The following IL26 variants were observed in gnomAD, a reference collection of about 807,000 sequenced individuals.
The protein encoded by IL26 is interleukin 26.
In IL26, 23 loss-of-function variants were observed where a neutral mutation model predicts 21.7. That is an observed-to-expected ratio of 1.06 (90% CI 0.76 to 1.50). The LOEUF is 1.50. Among genes scored for constraint, IL26 ranks in the 40% most tolerant of loss-of-function variants. IL26 has a pLI of 0.00. For missense variants in IL26, 204 were observed against 196.0 expected, an observed-to-expected ratio of 1.04 and a Z score of -0.24; for synonymous variants, 63 against 67.8, an observed-to-expected ratio of 0.93 and a Z score of 0.34.
chr12:68,225,562 T>G (rs1361825680), intron 1 of IL26, 24 bp downstream of exon 1: 1 of 1,613,134 alleles, frequency 6.2e-7, no homozygotes, highest in Admixed American at 1.7e-5. Flanking sequence ...GAGGTCATGA[T>G]TTTAAGCAGA....
chr12:68,202,594 G>A (rs1222750024), intron 3 of IL26, among the ~76,000 whole-genome samples: 3 of 152,180 alleles, frequency 2.0e-5, no homozygotes, highest in Admixed American at 2.0e-4. Flanking sequence ...AGAGGGGGAA[G>A]TGCCATACTT....
chr12:68,225,384 A>AG lies in IL26; in HGVS notation c.228+59dup, dbSNP rs1288009740. ...TACTCTCTGAAAAAAATTTAAATGCAGGGGGAAATAAACATCAAATAAGTG... is the reference window on the plus strand; with the variant it reads ...TACTCTCTGAAAAAAATTTAAATGCAGGGGGGAAATAAACATCAAATAAGTG... On this transcript the variant is annotated intron_variant, in intron 2 of 4. Transcript: ENST00000229134. 3 of 1,513,822 alleles carry AG rather than the reference A, an allele frequency of 2.0e-6. No homozygotes were observed. In the African/African-American group the frequency reaches 4.2e-5, roughly 21 times the overall value. 93.8% of individuals were successfully genotyped at this position (1,513,822 alleles called of 1,614,324 possible).
In IL26 at chr12:68,225,647, G is replaced by T; in HGVS notation, c.110C>A (p.Thr37Lys). 6.2e-7 allele frequency: 1 copy of T among 1,614,072 alleles called. No homozygotes were observed. The highest frequency in any genetic ancestry group is 1.1e-5 in the South Asian group (1 of 91,078). ...GAGAGCGTCAACAGCTTGGGACAAT[G>T]TTCCCCTTGGGTAACAACTTTTGGT... is the stretch of plus-strand genomic sequence containing the variant. ...SFTKSCYPRG[T>K]LSQAVDALYI... The change falls in exon 1 of 5, where the codon ACA becomes AAA. Residue 37 changes from threonine (T) to lysine (K), a missense_variant. Transcript: ENST00000229134.
chr12:68,217,377 T>A (rs11571012), intron 3 of IL26, among the ~76,000 whole-genome samples: 9 of 152,106 alleles, frequency 5.9e-5, no homozygotes, highest in African/African-American at 1.9e-4. Context: ...ATTTCATGAG[T>A]TAATAATGAA....
Position 68,205,970 on chromosome 12 carries a change from C to A in IL26, c.364-3887G>T, listed in dbSNP as rs370853937. On this transcript the variant is annotated intron_variant, in intron 3 of 4. Coordinates refer to ENST00000229134, the MANE Select transcript of IL26 (RefSeq NM_018402.2). The stretch of plus-strand genomic sequence containing the variant: ...TCCATCAAGTCGTCTTCTGCTAATT[C>A]CTGTGGTGCAGTGTCTACTAGCTCT... Among the ~76,000 whole-genome samples the A allele has an allele frequency of 1.6e-4, 25 of 152,286 alleles. 1 individual carries two copies. The highest frequency in any genetic ancestry group is 9.1e-4 in the Admixed American group (14 of 15,304).
rs576617286 is a variant in IL26 at position 68,223,373 on chromosome 12, T to C, written c.363+1776A>G. 1.1e-4 allele frequency among the ~76,000 whole-genome samples: 17 copies of C among 152,278 alleles called. No individual in the cohort carries two copies. The East Asian group carries it at 1.4e-3, about 12-fold the overall frequency. On this transcript the variant is annotated intron_variant, in intron 3 of 4. Transcript: ENST00000229134. ...AACCAACCAGAGCGGCGCCACACTGTCCCACCCACTTTAGGAAAACTTCAC... is the reference window on the plus strand; with the variant it reads ...AACCAACCAGAGCGGCGCCACACTGCCCCACCCACTTTAGGAAAACTTCAC...
intron 3 of IL26, among the ~76,000 whole-genome samples, chr12:68,221,586 G>T (rs980061000): frequency 6.6e-5 from 10 of 152,204 alleles, no homozygotes; most frequent in Non-Finnish European, 2.9e-5. Flanking sequence ...GTGGGCTGGT[G>T]ATATGAATGT....
At chr12:68,209,485 C>G (rs546834347) in intron 3 of IL26, among the ~76,000 whole-genome samples, 1 of 152,224 alleles carries the variant, frequency 6.6e-6, no homozygotes, top group African/African-American at 2.4e-5. Context: ...AGCAAGGAGC[C>G]GACAAGTCTA....
intron 3 of IL26, among the ~76,000 whole-genome samples, chr12:68,216,855 T>C (rs1034901571): frequency 2.0e-5 from 3 of 152,244 alleles, no homozygotes; most frequent in Admixed American, 6.5e-5. Context: ...AAAATGTTAA[T>C]TAAAGTAGAC....
chr12:68,207,019 A>G (rs1466569877), intron 3 of IL26, among the ~76,000 whole-genome samples: 2 of 152,104 alleles, frequency 1.3e-5, no homozygotes, highest in Non-Finnish European at 2.9e-5. Flanking sequence ...TTTTTCTTGA[A>G]TCATATCAGG....
intron 3 of IL26, among the ~76,000 whole-genome samples, chr12:68,224,285 T>TTTTTGTTTTG (rs60633848): frequency 0.012 from 1,851 of 148,120 alleles, 22 homozygotes; most frequent in East Asian, 0.018. Flanking sequence ...TGGCTCAGTG[T>TTTTTGTTTTG]TTTTGTTTTG....
Position 68,201,924 on chromosome 12 carries a change from T to C in IL26, c.437A>G (p.Asn146Ser), listed in dbSNP as rs1868399574. ...RMKRIFYRIG[N>S]KGIYKAISEL... Reference sequence around the variant, plus strand: ...ACTGATGGCTTTGTAGATTCCTTTGTTTCCAATCTGCAGATAAAGTACAGA... The same window carrying C: ...ACTGATGGCTTTGTAGATTCCTTTGCTTCCAATCTGCAGATAAAGTACAGA... Residue 146 changes from asparagine (N) to serine (S), a missense_variant, in exon 5 of 5, where the codon AAC (asparagine) becomes AGC (serine). Physicochemically the swap from Asn to Ser is conservative, Grantham distance 46. Transcript: ENST00000229134. 2.5e-6 allele frequency: 4 copies of C among 1,597,858 alleles called. No homozygotes were observed. In the East Asian group the frequency reaches 9.0e-5, roughly 36 times the overall value.
intron 3 of IL26, among the ~76,000 whole-genome samples, chr12:68,207,095 A>G (rs1868564868): frequency 6.6e-6 from 1 of 152,074 alleles, no homozygotes; most frequent in South Asian, 2.1e-4. Flanking sequence ...TCAATAGGAG[A>G]TTTTTAAAAA....
At position 68,202,069 on chromosome 12, in the gene IL26, T is replaced by C. The variant is rs1356029687; in HGVS notation, c.378A>G (p.Ser126=). 6.3e-7 allele frequency: 1 copy of C among 1,579,782 alleles called. No individual in the cohort carries two copies. Among genetic ancestry groups the C allele is most frequent in the South Asian group, 1.2e-5 (1 of 86,410 alleles). The stretch of plus-strand genomic sequence containing the variant: ...TAATGGATTTCATCTCTCTAGCTGA[T>C]GAAGCACAGGAAATCTAAGAAATCA... ...QKLSHCISCA[S]SAREMKSITR... is the part of the protein sequence containing the mutation. Residue 126 remains serine, a synonymous_variant, in exon 4 of 5, where the codon TCA becomes TCG. Transcript: ENST00000229134.
At position 68,201,768 on chromosome 12, in the gene IL26, A is replaced by G. The variant is rs925243680; in HGVS notation, c.*77T>C. The G allele has an allele frequency of 2.0e-5, 20 of 979,390 alleles. No individual in the cohort carries two copies. In the Admixed American group the frequency reaches 2.6e-4, roughly 13 times the overall value. 60.7% of individuals were successfully genotyped at this position (979,390 alleles called of 1,614,324 possible). ...ATGTTAAAAAGTTTTTAAAAGAAAT[A>G]GACTGTTATAAACATATTTCTAGCA... On this transcript the variant is annotated 3_prime_UTR_variant, in exon 5 of 5. Coordinates refer to ENST00000229134, the MANE Select transcript of IL26 (RefSeq NM_018402.2).
At chr12:68,210,618 CAGT>C (rs1261091341) in intron 3 of IL26, among the ~76,000 whole-genome samples, 1 of 152,046 alleles carries the variant, frequency 6.6e-6, no homozygotes, top group Non-Finnish European at 1.5e-5. Context: ...TCCAACAACT[CAGT>C]AGATATTGAA....
chr12:68,211,184 T>C (rs1481246519), intron 3 of IL26, among the ~76,000 whole-genome samples: 1 of 152,186 alleles, frequency 6.6e-6, no homozygotes, highest in Non-Finnish European at 1.5e-5. Flanking sequence ...GAACAGGAAA[T>C]AGTTGTCTTT....
In IL26 at chr12:68,225,448, A is replaced by T. The variant is rs1231045533; in HGVS notation, c.224T>A (p.Phe75Tyr). The change falls in exon 2 of 5, where the codon TTT (phenylalanine) becomes TAT (tyrosine). Residue 75 changes from phenylalanine to tyrosine, a missense_variant. Transcript: ENST00000229134. ...RLLKKKTKKQ[F>Y]MKNCQFQEQL... ...GAAGAAGACTTTCTGACTTACCATA[A>T]ACTGCTTTTTTGTTTTCTTTTTTAA... The T allele has an allele frequency of 6.3e-7, 1 of 1,577,458 alleles. No individual in the cohort carries two copies. The highest frequency in any genetic ancestry group is 8.7e-7 in the Non-Finnish European group (1 of 1,148,486).
Position 68,225,191 on chromosome 12 carries a change from A to C in IL26, c.321T>G (p.Phe107Leu). Reference protein sequence around the residue: ...LQLQGCKKIRFVEDFHSLRQK... With the variant: ...LQLQGCKKIRLVEDFHSLRQK... ...GCCTAAGGCTATGAAAGTCCTCCACAAAGCGTATTTTCTTGCAGCCTTGCA... is the reference window on the plus strand; with the variant it reads ...GCCTAAGGCTATGAAAGTCCTCCACCAAGCGTATTTTCTTGCAGCCTTGCA... Residue 107 changes from phenylalanine to leucine, a missense_variant, in exon 3 of 5, where the codon TTT (phenylalanine) becomes TTG (leucine). Coordinates refer to ENST00000229134, the MANE Select transcript of IL26 (RefSeq NM_018402.2). 2 of 1,614,050 alleles carry C rather than the reference A, an allele frequency of 1.2e-6. No homozygotes were observed. Among genetic ancestry groups the C allele is most frequent in the Non-Finnish European group, 8.5e-7 (1 of 1,179,944 alleles).
Sources: gnomAD v4.1 joint callset for allele counts (sites outside exome capture counted in the v4.1 genomes callset) on GRCh38, gnomAD v4.1.1 for gene constraint, MANE v1.5 for transcripts, NCBI Gene and HGNC (gene_info 2026-07-23, HGNC 2026-07-21) for gene names.